Variants in NOX4 observed in about 807,000 individuals in gnomAD.
NOX4 encodes NADPH oxidase 4.
NOX4 carries 69 observed loss-of-function variants against 87.6 expected under a neutral mutation model. That is an observed-to-expected ratio of 0.79 (90% CI 0.65 to 0.96). NOX4 has a LOEUF of 0.96. Among genes scored for constraint, NOX4 ranks in the 40% least tolerant of loss-of-function variants. The pLI is 0.00. For synonymous variants in NOX4, 275 were observed against 238.2 expected, an observed-to-expected ratio of 1.15 and a Z score of -1.42; for missense variants, 680 against 681.5, an observed-to-expected ratio of 1.00 and a Z score of 0.02.
chr11:89,331,350 A>G (rs993271624), intron 17 of NOX4, among the ~76,000 whole-genome samples: 5 of 151,968 alleles, frequency 3.3e-5, no homozygotes, highest in Non-Finnish European at 5.9e-5. Flanking sequence ...GAAAATGTAT[A>G]GCATTAAACA....
the NOX4 span, among the ~76,000 whole-genome samples, chr11:89,521,922 A>G: frequency 6.6e-6 from 1 of 152,112 alleles, no homozygotes; most frequent in African/African-American, 2.4e-5. Context: ...CCAACAAACG[A>G]AAAATGCTCA....
At position 89,326,677 on chromosome 11, in the gene NOX4, T is replaced by G; in HGVS notation, c.*79A>C. 8.0e-7 allele frequency: 1 copy of G among 1,255,224 alleles called. No homozygotes were observed. The highest frequency in any genetic ancestry group is 1.1e-6 in the Non-Finnish European group (1 of 887,594). 77.8% of individuals were successfully genotyped at this position (1,255,224 alleles called of 1,614,324 possible). A position where few individuals can be genotyped will look rare whatever the true frequency, so the allele number is the denominator to read the frequency against. On this transcript the variant is annotated 3_prime_UTR_variant, in exon 18 of 18. Coordinates refer to ENST00000263317, the MANE Select transcript of NOX4 (RefSeq NM_016931.5). ...TTACTATTCTTTGGCATAACACAGC[T>G]GATTGATTCCGCTGAGTTTCAAAGT...
chr11:89,510,550 T>A, the NOX4 span, among the ~76,000 whole-genome samples: 1 of 152,080 alleles, frequency 6.6e-6, no homozygotes, highest in African/African-American at 2.4e-5. Flanking sequence ...TACTGTATTT[T>A]TAATTACTAA....
At position 89,326,711 on chromosome 11, in the gene NOX4, T is replaced by C. The variant is rs764135198; in HGVS notation, c.*45A>G. On this transcript the variant is annotated 3_prime_UTR_variant, in exon 18 of 18. Coordinates refer to ENST00000263317, the MANE Select transcript of NOX4 (RefSeq NM_016931.5). Reference sequence around the variant, plus strand: ...CCGCTGAGTTTCAAAGTCTTAGAAATTGCACTCATTCCTTCTTTAGAGTCC... The same window carrying C: ...CCGCTGAGTTTCAAAGTCTTAGAAACTGCACTCATTCCTTCTTTAGAGTCC... 4 of 1,576,396 alleles carry C rather than the reference T, an allele frequency of 2.5e-6. No homozygotes were observed. The African/African-American group carries it at 4.1e-5, about 16-fold the overall frequency.
chr11:89,539,730 G>C, the NOX4 span, among the ~76,000 whole-genome samples: 1 of 152,130 alleles, frequency 6.6e-6, no homozygotes, highest in Non-Finnish European at 1.5e-5. Context: ...GAGGCTGATA[G>C]ACTCCTAAGT....
chr11:89,549,590 A>G, the NOX4 span, among the ~76,000 whole-genome samples: 60 of 152,286 alleles, frequency 3.9e-4, no homozygotes, highest in African/African-American at 1.2e-3. Context: ...TGCTGCACCC[A>G]TCAACCCGTC....
intron 13 of NOX4, among the ~76,000 whole-genome samples, chr11:89,350,370 A>G (rs1946404710): frequency 6.6e-6 from 1 of 152,174 alleles, no homozygotes. Context: ...AAGGACATAC[A>G]TTTCCATATT....
At chr11:89,413,907 T>A (rs181452039) in intron 8 of NOX4, among the ~76,000 whole-genome samples, 37 of 152,192 alleles carry the variant, frequency 2.4e-4, no homozygotes, top group Admixed American at 1.5e-3. Flanking sequence ...ATGCCTACTA[T>A]GTATTCATAA....
chr11:89,558,528 G>C, the NOX4 span, among the ~76,000 whole-genome samples: 35 of 152,082 alleles, frequency 2.3e-4, no homozygotes, highest in African/African-American at 8.0e-4. Flanking sequence ...AAGCCTGGAA[G>C]CCAAGACTAG....
intron 11 of NOX4, among the ~76,000 whole-genome samples, chr11:89,391,433 G>A (rs1262443978): frequency 6.6e-6 from 1 of 152,118 alleles, no homozygotes; most frequent in East Asian, 1.9e-4. Flanking sequence ...GGGAAAATGA[G>A]AAAGCATTAA....
chr11:89,487,964 AAAGGT>A (rs1946698027), intron 2 of NOX4, among the ~76,000 whole-genome samples: 1 of 152,166 alleles, frequency 6.6e-6, no homozygotes, highest in Non-Finnish European at 1.5e-5. Flanking sequence ...TTTTCCAATA[AAAGGT>A]AATATACAGA....
chr11:89,360,031 C>A (rs1257970558), intron 12 of NOX4, among the ~76,000 whole-genome samples: 1 of 151,818 alleles, frequency 6.6e-6, no homozygotes, highest in Non-Finnish European at 1.5e-5. Flanking sequence ...AAAGTCTTTA[C>A]CTTAGTTTTA....
At chr11:89,543,291 A>G in the NOX4 span, among the ~76,000 whole-genome samples, 1 of 152,218 alleles carries the variant, frequency 6.6e-6, no homozygotes, top group Non-Finnish European at 1.5e-5. Flanking sequence ...ATTTTATGTG[A>G]TCAATCTTGA....
intron 13 of NOX4, among the ~76,000 whole-genome samples, chr11:89,349,499 G>T (rs1307022197): frequency 1.3e-5 from 2 of 151,892 alleles, no homozygotes; most frequent in Non-Finnish European, 2.9e-5. Context: ...GCAGTTTAAG[G>T]GTATTACCCA....
intron 11 of NOX4, among the ~76,000 whole-genome samples, chr11:89,394,278 C>T (rs892340137): frequency 6.6e-6 from 1 of 151,920 alleles, no homozygotes; most frequent in Non-Finnish European, 1.5e-5. Context: ...AAACTAACCT[C>T]TATATTTTTT....
chr11:89,528,001 T>G, the NOX4 span, among the ~76,000 whole-genome samples: 1 of 152,142 alleles, frequency 6.6e-6, no homozygotes, highest in East Asian at 1.9e-4. Flanking sequence ...AGAGGGGCTG[T>G]ACCCTGCAAA....
At chr11:89,490,654 T>C (rs1946813964) in intron 1 of NOX4, 101 bp from the exon 2 acceptor site, 1 of 836,168 alleles carries the variant, frequency 1.2e-6, no homozygotes, top group African/African-American at 1.7e-5. Flanking sequence ...GTGCTTTCAA[T>C]GGAACCTAAA....
At chr11:89,396,102 C>T (rs532731023) in intron 11 of NOX4, among the ~76,000 whole-genome samples, 3 of 152,188 alleles carry the variant, frequency 2.0e-5, no homozygotes, top group East Asian at 1.9e-4. Flanking sequence ...GGAAGTGTGG[C>T]TATTTTCATG....
intron 6 of NOX4, among the ~76,000 whole-genome samples, chr11:89,438,835 T>C (rs1420477329): frequency 7.9e-5 from 3 of 37,868 alleles, no homozygotes; most frequent in Non-Finnish European, 1.1e-4. Context: ...ATATCTTATA[T>C]ATTATATATA....
Sources: allele counts gnomAD v4.1 joint callset (sites outside exome capture counted in the v4.1 genomes callset), GRCh38; gene constraint gnomAD v4.1.1; transcripts MANE v1.5; gene names NCBI Gene and HGNC (gene_info 2026-07-23, HGNC 2026-07-21).